TNNI3K: variants seen among roughly 807,000 people sequenced by gnomAD.
The protein encoded by TNNI3K is serine/threonine-protein kinase TNNI3K.
TNNI3K carries 140 observed loss-of-function variants against 114.5 expected under a neutral mutation model. The observed-to-expected ratio is 1.22, with a 90% confidence interval of 1.07 to 1.41. The LOEUF is 1.41. Among genes scored for constraint, TNNI3K ranks in the 40% most tolerant of loss-of-function variants. The probability of loss-of-function intolerance (pLI) is 0.00; values close to 1 mark genes in which losing one functional copy is unlikely to be tolerated. For missense variants in TNNI3K, 1,125 were observed against 1,007.6 expected (o/e 1.12, Z -1.58); for synonymous variants, 347 against 347.5 (o/e 1.00, Z 0.02).
At chr1:74,336,558 A>T (rs1360507337) in intron 7 of TNNI3K, among the ~76,000 whole-genome samples, 2 of 138,890 alleles carry the variant, frequency 1.4e-5, no homozygotes, top group Admixed American at 8.2e-5. Flanking sequence ...TGTCCATGTG[A>T]TCTCATTGTT....
At chr1:74,493,208 G>A (rs1351877402) in intron 23 of TNNI3K, among the ~76,000 whole-genome samples, 1 of 152,178 alleles carries the variant, frequency 6.6e-6, no homozygotes, top group Non-Finnish European at 1.5e-5. Context: ...GGGATAGGGA[G>A]GAGGGAGAAA....
chr1:74,462,371 A>G (rs539547655), intron 20 of TNNI3K, among the ~76,000 whole-genome samples: 8 of 152,302 alleles, frequency 5.3e-5, no homozygotes, highest in Admixed American at 4.6e-4. Context: ...AATCTAAAAG[A>G]CAGGCAGCAG....
intron 23 of TNNI3K, among the ~76,000 whole-genome samples, chr1:74,524,749 A>T (rs1385369883): frequency 2.1e-4 from 32 of 151,460 alleles, no homozygotes; most frequent in African/African-American, 7.3e-4. Flanking sequence ...GCAACTTTTT[A>T]AAAAAGTAAA....
At chr1:74,260,710 G>T (rs560038826) in intron 4 of TNNI3K, among the ~76,000 whole-genome samples, 46 of 151,894 alleles carry the variant, frequency 3.0e-4, no homozygotes, top group Non-Finnish European at 6.3e-4. Context: ...TAAAAGAAAT[G>T]GATTGGATTT....
intron 17 of TNNI3K, among the ~76,000 whole-genome samples, chr1:74,384,466 C>T (rs1663371480): frequency 6.6e-6 from 1 of 152,134 alleles, no homozygotes; most frequent in Non-Finnish European, 1.5e-5. Flanking sequence ...AATACAACCT[C>T]CTGAAATTTT....
At chr1:74,489,892 G>A (rs1668967942) in intron 22 of TNNI3K, among the ~76,000 whole-genome samples, 1 of 151,968 alleles carries the variant, frequency 6.6e-6, no homozygotes, top group South Asian at 2.1e-4. Flanking sequence ...ATGGAAATAA[G>A]TGTTACTGGT....
intron 20 of TNNI3K, among the ~76,000 whole-genome samples, chr1:74,442,649 A>G (rs1316792474): frequency 1.3e-5 from 2 of 152,092 alleles, no homozygotes; most frequent in African/African-American, 4.8e-5. Flanking sequence ...ATAATTTGTT[A>G]TATATTTTAG....
intron 20 of TNNI3K, among the ~76,000 whole-genome samples, chr1:74,462,987 T>A (rs1451515040): frequency 6.6e-6 from 1 of 152,242 alleles, no homozygotes; most frequent in African/African-American, 2.4e-5. Context: ...TAAAAAAATC[T>A]ACTTTGCTCA....
intron 23 of TNNI3K, among the ~76,000 whole-genome samples, chr1:74,509,241 T>C (rs1284293349): frequency 6.6e-6 from 1 of 152,240 alleles, no homozygotes; most frequent in African/African-American, 2.4e-5. Flanking sequence ...CTCAGTCAAG[T>C]TGCCATTTGG....
At chr1:74,249,685 T>C in intron 3 of TNNI3K, 141 bp downstream of exon 3, 1 of 684,558 alleles carries the variant, frequency 1.5e-6, no homozygotes, top group Non-Finnish European at 2.3e-6. Context: ...CTTGATAATC[T>C]CAGTTTAGGC....
At chr1:74,540,400 T>C in intron 24 of TNNI3K, 87 bp downstream of exon 24, 6 of 1,218,560 alleles carry the variant, frequency 4.9e-6, no homozygotes, top group Non-Finnish European at 7.0e-6. Flanking sequence ...AAGCATTGCA[T>C]ATTGTAATAT....
intron 5 of TNNI3K, among the ~76,000 whole-genome samples, chr1:74,285,410 A>G (rs1486788945): frequency 1.3e-5 from 2 of 152,194 alleles, no homozygotes; most frequent in Non-Finnish European, 1.5e-5. Context: ...CTACAACACT[A>G]TAGTCTCTTT....
intron 20 of TNNI3K, among the ~76,000 whole-genome samples, chr1:74,453,963 G>T (rs77705915): frequency 0.037 from 5,590 of 152,206 alleles, 331 homozygotes; most frequent in African/African-American, 0.13. Context: ...AAGAAAATAT[G>T]TTTCAGGCTA....
chr1:74,463,893 T>A (rs1479451670), intron 21 of TNNI3K, among the ~76,000 whole-genome samples: 2 of 152,164 alleles, frequency 1.3e-5, no homozygotes, highest in Non-Finnish European at 1.5e-5. Flanking sequence ...ACAAGATGGA[T>A]TTGTGTTGGC....
chr1:74,265,306 A>G (rs934596588), intron 4 of TNNI3K, among the ~76,000 whole-genome samples: 2 of 152,040 alleles, frequency 1.3e-5, no homozygotes, highest in African/African-American at 4.8e-5. Context: ...AGAGCTGCTA[A>G]AATCTCCGCC....
At chr1:74,262,331 A>G (rs1449818848) in intron 4 of TNNI3K, among the ~76,000 whole-genome samples, 1 of 152,058 alleles carries the variant, frequency 6.6e-6, no homozygotes, top group Non-Finnish European at 1.5e-5. Context: ...TGTGAGTACC[A>G]ATAATATCTC....
chr1:74,536,293 G>A (rs1646660014), intron 23 of TNNI3K, among the ~76,000 whole-genome samples: 1 of 152,130 alleles, frequency 6.6e-6, no homozygotes, highest in South Asian at 2.1e-4. Context: ...AAACAGGCTA[G>A]TTTGTTCTGA....
chr1:74,324,346 T>G (rs1420759492), intron 5 of TNNI3K, among the ~76,000 whole-genome samples: 1 of 152,168 alleles, frequency 6.6e-6, no homozygotes, highest in African/African-American at 2.4e-5. Context: ...AGGAGGCAAC[T>G]CAACAAAGCA....
chr1:74,441,100 A>G (rs2100673175), intron 20 of TNNI3K, among the ~76,000 whole-genome samples: 1 of 152,210 alleles, frequency 6.6e-6, no homozygotes, highest in Non-Finnish European at 1.5e-5. Flanking sequence ...TAGGCATAAT[A>G]TACCTGCAGT....
Sources: allele counts gnomAD v4.1 joint callset (sites outside exome capture counted in the v4.1 genomes callset), GRCh38; gene constraint gnomAD v4.1.1; transcripts MANE v1.5; gene names NCBI Gene and HGNC (gene_info 2026-07-23, HGNC 2026-07-21).